The following ELP3 variants were observed in gnomAD, a reference collection of about 807,000 sequenced individuals.
ELP3 encodes the protein elongator acetyltransferase complex subunit 3, also known as elongator complex protein 3.
In ELP3, 56 loss-of-function variants were observed where a neutral mutation model predicts 74.9. That is an observed-to-expected ratio of 0.75 (90% CI 0.60 to 0.93). ELP3 has a LOEUF of 0.93. ELP3 is among the 40% of genes least tolerant of loss of function. ELP3 has a pLI of 0.00. For missense variants in ELP3, 573 were observed against 686.5 expected, an observed-to-expected ratio of 0.83 and a Z score of 1.85; for synonymous variants, 222 against 239.8, an observed-to-expected ratio of 0.93 and a Z score of 0.68.
intron 7 of ELP3, among the ~76,000 whole-genome samples, chr8:28,121,359 G>A (rs374105580): frequency 9.2e-5 from 13 of 141,828 alleles, no homozygotes; most frequent in South Asian, 6.6e-4. Context: ...TTGCTCTGTC[G>A]CCCAGGCTGG....
intron 10 of ELP3, among the ~76,000 whole-genome samples, chr8:28,145,704 A>AC (rs1199755270): frequency 2.0e-5 from 3 of 152,116 alleles, no homozygotes; most frequent in African/African-American, 7.2e-5. Flanking sequence ...GCTCACTGCA[A>AC]CCTCCGCCTC....
chr8:28,190,146 A>T lies in ELP3; in HGVS notation c.*421A>T, dbSNP rs1355951105. ...CCCTGGGGACAGAAAGTCAGGTTGA[A>T]ACAGGAAAACCACCAGACTCTAATC... On this transcript the variant is annotated 3_prime_UTR_variant, in exon 15 of 15. Transcript: ENST00000256398. 1 of 158,308 alleles carries T rather than the reference A, an allele frequency of 6.3e-6. No homozygotes were observed. Among genetic ancestry groups the T allele is most frequent in the African/African-American group, 2.4e-5 (1 of 41,554 alleles). The allele number at this position is 158,308 out of a possible 1,614,324, so 9.8% of individuals were successfully genotyped here. A position where few individuals can be genotyped will look rare whatever the true frequency, so the allele number is the denominator to read the frequency against.
intron 14 of ELP3, among the ~76,000 whole-genome samples, chr8:28,173,875 G>A (rs962941261): frequency 2.6e-5 from 4 of 152,058 alleles, no homozygotes; most frequent in African/African-American, 9.6e-5. Context: ...GGTTGTTTAA[G>A]AATGTGTTAA....
chr8:28,160,689 A>G (rs1317893942), intron 13 of ELP3, among the ~76,000 whole-genome samples: 1 of 152,106 alleles, frequency 6.6e-6, no homozygotes, highest in African/African-American at 2.4e-5. Context: ...TAACAGATTG[A>G]ACCACATGGA....
rs1811405217 is a variant in ELP3 at position 28,099,891 on chromosome 8, T to G, written c.183T>G (p.Ile61Met). ...CCCAGCCCCGCCTGGTGGATATCAT[T>G]GCTGCCGTCCCTCCTCAGTATCGCA... ...LSAQPRLVDI[I>M]AAVPPQYRKV... is the part of the protein sequence containing the mutation. The change falls in exon 3 of 15, where the codon ATT (isoleucine) becomes ATG (methionine). Residue 61 changes from isoleucine (I) to methionine (M), a missense_variant. Transcript: ENST00000256398. 1.2e-6 allele frequency: 2 copies of G among 1,614,214 alleles called. No individual in the cohort carries two copies.
At chr8:28,139,776 C>T (rs930738758) in intron 10 of ELP3, among the ~76,000 whole-genome samples, 1 of 152,032 alleles carries the variant, frequency 6.6e-6, no homozygotes, top group Admixed American at 6.6e-5. Flanking sequence ...GAAACCCTGT[C>T]TCTACTAAAA....
intron 7 of ELP3, among the ~76,000 whole-genome samples, chr8:28,119,572 T>TTA (rs72105276): frequency 1.5e-4 from 7 of 46,774 alleles, no homozygotes; most frequent in South Asian, 1.2e-3. Flanking sequence ...TTGTGGCGTT[T>TTA]TATATATATA....
intron 14 of ELP3, among the ~76,000 whole-genome samples, chr8:28,168,191 C>T (rs1157271245): frequency 6.6e-6 from 1 of 152,194 alleles, no homozygotes; most frequent in Non-Finnish European, 1.5e-5. Context: ...AATTAGTACA[C>T]ATGTTTTGAA....
At chr8:28,091,139 C>T (rs1811041238), upstream of ELP3, among the ~76,000 whole-genome samples, 1 of 152,020 alleles carries the variant, frequency 6.6e-6, no homozygotes. Context: ...ATCTCCTGAC[C>T]TTGTGATCCG....
intron 14 of ELP3, among the ~76,000 whole-genome samples, chr8:28,167,007 G>A (rs1814332280): frequency 6.6e-6 from 1 of 152,204 alleles, no homozygotes; most frequent in South Asian, 2.1e-4. Flanking sequence ...ATCGTACAAG[G>A]CCGATGGATC....
At chr8:28,091,205 C>T (rs181801700), upstream of ELP3, among the ~76,000 whole-genome samples, 18 of 152,162 alleles carry the variant, frequency 1.2e-4, no homozygotes, top group Admixed American at 3.9e-4. Flanking sequence ...CGCGCCCGGC[C>T]GTAAATGTTT....
chr8:28,143,579 A>C (rs1813324989), intron 10 of ELP3, among the ~76,000 whole-genome samples: 1 of 152,226 alleles, frequency 6.6e-6, no homozygotes, highest in Non-Finnish European at 1.5e-5. Context: ...TCATGGTTAT[A>C]AACTTAATGG....
rs151023931 is a variant in ELP3, at chr8:28,107,321, A to G, written c.329+538A>G. ...ATATACAATTCTAAAAATGTAGGTT[A>G]TGGAACTCACAACAGTAGACATTGG... On this transcript the variant is annotated intron_variant, in intron 4 of 14. Transcript: ENST00000256398. Among the ~76,000 whole-genome samples, 44 of 152,366 alleles carry G rather than the reference A, an allele frequency of 2.9e-4. No homozygotes were observed. In the East Asian group the frequency reaches 8.1e-3, roughly 28 times the overall value.
intron 7 of ELP3, among the ~76,000 whole-genome samples, chr8:28,122,952 C>T (rs554787255): frequency 1.1e-4 from 16 of 152,226 alleles, no homozygotes; most frequent in African/African-American, 3.9e-4. Context: ...GGCAAAACCC[C>T]GTCTCTACTA....
At chr8:28,107,339 G>C (rs6996985) in intron 4 of ELP3, among the ~76,000 whole-genome samples, 79,021 of 152,048 alleles carry the variant, frequency 0.52, 21,237 homozygotes, top group East Asian at 0.89. Context: ...CACAACAGTA[G>C]ACATTGGGAT....
chr8:28,172,273 G>T (rs1450094155), intron 14 of ELP3, among the ~76,000 whole-genome samples: 1 of 151,988 alleles, frequency 6.6e-6, no homozygotes, highest in African/African-American at 2.4e-5. Flanking sequence ...AAGTCTTCCA[G>T]GCCATGAACA....
In ELP3 at chr8:28,112,978, T is replaced by C. The variant is rs778793556; in HGVS notation, c.463-41T>C. 8.2e-6 allele frequency: 13 copies of C among 1,582,934 alleles called. No individual in the cohort carries two copies. In the Admixed American group the frequency reaches 1.6e-4, roughly 19 times the overall value. ...GCAATGCCTTCTTAGAGTAGTTCCT[T>C]ATGCTTATATCATTCTAATGCTGAT... On this transcript the variant is annotated intron_variant, in intron 6 of 14. Coordinates refer to ENST00000256398, the MANE Select transcript of ELP3 (RefSeq NM_018091.6).
chr8:28,130,647 G>C (rs1812754144), intron 8 of ELP3, among the ~76,000 whole-genome samples: 1 of 152,194 alleles, frequency 6.6e-6, no homozygotes, highest in South Asian at 2.1e-4. Context: ...AGCCTTCAAG[G>C]GCTGTGCTAG....
Position 28,171,872 on chromosome 8 carries a change from A to G in ELP3, c.1567+9794A>G, listed in dbSNP as rs551168998. ...TAAGAGTCTAATTTAATTATTTTGC[A>G]TGTGGATATCCAGTTTTTCTAGCAC... On this transcript the variant is annotated intron_variant, in intron 14 of 14. Coordinates refer to ENST00000256398, the MANE Select transcript of ELP3 (RefSeq NM_018091.6). 7.2e-5 allele frequency among the ~76,000 whole-genome samples: 11 copies of G among 152,242 alleles called. No homozygotes were observed. In the South Asian group the frequency reaches 2.1e-3, roughly 29 times the overall value.
Sources: gnomAD v4.1 joint callset for allele counts (sites outside exome capture counted in the v4.1 genomes callset) on GRCh38, gnomAD v4.1.1 for gene constraint, MANE v1.5 for transcripts, NCBI Gene and HGNC (gene_info 2026-07-23, HGNC 2026-07-21) for gene names.